Variants in ZNF821 observed in about 807,000 individuals in gnomAD.
ZNF821 encodes zinc finger protein 821.
In ZNF821, 16 loss-of-function variants were observed where a neutral mutation model predicts 44.3. That is an observed-to-expected ratio of 0.36 (90% CI 0.24 to 0.55). ZNF821 has a LOEUF of 0.55. ZNF821 is among the 20% of genes least tolerant of loss of function. The pLI is 0.86. For synonymous variants in ZNF821, 204 were observed against 197.6 expected (o/e 1.03, Z -0.27); for missense variants, 436 against 547.6 (o/e 0.80, Z 2.03).
At chr16:71,880,882 A>G (rs4788569) in intron 2 of ZNF821, among the ~76,000 whole-genome samples, 71,958 of 152,060 alleles carry the variant, frequency 0.47, 18,228 homozygotes, top group East Asian at 0.92. Flanking sequence ...CAAGACATGC[A>G]TCTGCTCCCC....
chr16:71,888,458 G>A (rs982964032), upstream of ZNF821, among the ~76,000 whole-genome samples: 5 of 152,112 alleles, frequency 3.3e-5, no homozygotes, highest in East Asian at 5.8e-4. Context: ...GTGTGAGGCC[G>A]GGGTGGGGGG....
chr16:71,871,834 T>G (rs1007440843), intron 3 of ZNF821, among the ~76,000 whole-genome samples: 1 of 149,040 alleles, frequency 6.7e-6, no homozygotes, highest in African/African-American at 2.4e-5. Flanking sequence ...TGGCTAAGGT[T>G]TTTTTTTTTT....
At chr16:71,871,988 C>T (rs1428901886) in intron 3 of ZNF821, among the ~76,000 whole-genome samples, 5 of 152,060 alleles carry the variant, frequency 3.3e-5, no homozygotes, top group Non-Finnish European at 5.9e-5. Flanking sequence ...AGCACCACCA[C>T]GCCTGGCTAA....
chr16:71,874,691 T>A (rs769634746), intron 3 of ZNF821, among the ~76,000 whole-genome samples: 24 of 152,128 alleles, frequency 1.6e-4, no homozygotes, highest in Admixed American at 7.2e-4. Context: ...TGACCTCAAG[T>A]GATCTGCCTG....
chr16:71,884,295 G>A (rs1440596669), upstream of ZNF821: 1 of 152,008 alleles, frequency 6.6e-6, no homozygotes, highest in Non-Finnish European at 1.5e-5. Flanking sequence ...GGCCTGAGGA[G>A]AGGGGCTCTG....
chr16:71,860,425 G>A lies in ZNF821; in HGVS notation c.832C>T (p.Arg278Cys), dbSNP rs1226993135. ...EVRLQRLERE[R>C]TAKKSRRDNE... ...TCCCGCCGGCTCTTCTTGGCCGTGC[G>A]CTCTCGTTCCAGCCGCTGCAGCCGT... The change falls in exon 8 of 8, where the codon CGC becomes TGC. Residue 278 changes from arginine (R) to cysteine (C), a missense_variant. By Grantham distance (180) the Arg-to-Cys change is radical. This residue lies in a region of ZNF821 where 68 missense variants were observed against 57.0 expected (regional missense o/e 1.19). Coordinates refer to ENST00000425432, the MANE Select transcript of ZNF821 (RefSeq NM_001201552.2). This position sits in a 1 kb window ranked among gnomAD's most constrained non-coding sequence, Gnocchi z 7.3. The A allele has an allele frequency of 1.2e-6, 2 of 1,613,228 alleles. No individual in the cohort carries two copies. The highest frequency in any genetic ancestry group is 1.7e-6 in the Non-Finnish European group (2 of 1,180,028).
At position 71,860,686 on chromosome 16, in the gene ZNF821, A is replaced by G. The variant is rs748834651; in HGVS notation, c.585-14T>C. ...GGAAGTTTCTCACTGGAAAGGAAAC[A>G]TTTTGGATGGTTAGTGTTTCCTTCT... On this transcript the variant is annotated splice_polypyrimidine_tract_variant and intron_variant, in intron 7 of 7. Transcript: ENST00000425432. The surrounding 1 kb of genome is among the most constrained non-coding windows in gnomAD (Gnocchi z 7.3). The G allele has an allele frequency of 2.5e-6, 4 of 1,607,568 alleles. No individual in the cohort carries two copies. Among genetic ancestry groups the G allele is most frequent in the South Asian group, 2.2e-5 (2 of 90,840 alleles).
chr16:71,875,161 A>C (rs142760407), intron 3 of ZNF821, among the ~76,000 whole-genome samples: 2 of 152,190 alleles, frequency 1.3e-5, no homozygotes, highest in South Asian at 4.1e-4. Context: ...CAGAGCCTGC[A>C]AAGTCCCACC....
chr16:71,895,162 G>A (rs558198598), exon 1 of ZNF821: 25 of 255,596 alleles, frequency 9.8e-5, no homozygotes, highest in Non-Finnish European at 1.8e-4. Context: ...CGTCAGAGAG[G>A]CGGTACTGGC....
At chr16:71,864,810 G>C in intron 5 of ZNF821, 93 bp downstream of exon 5, 1 of 1,526,892 alleles carries the variant, frequency 6.5e-7, no homozygotes, top group South Asian at 1.2e-5. Context: ...GAGACCATCA[G>C]AGGCAAGACT....
rs1182105828 is a variant in ZNF821 at position 71,860,304 on chromosome 16, C to T, written c.953G>A (p.Arg318His). Residue 318 changes from arginine (R) to histidine (H), a missense_variant, in exon 8 of 8, where the codon CGC becomes CAC. By Grantham distance (29) the Arg-to-His change is conservative. Coordinates refer to ENST00000425432, the MANE Select transcript of ZNF821 (RefSeq NM_001201552.2). This position sits in a 1 kb window ranked among gnomAD's most constrained non-coding sequence, Gnocchi z 7.3. ...RMQETDEQRA[R>H]RLQRDREAMR... is the part of the protein sequence containing the mutation. ...GGCCTCCCGATCCCGCTGCAGCCGGCGTGCCCGCTGCTCGTCTGTCTCCTG... is the reference window on the plus strand; with the variant it reads ...GGCCTCCCGATCCCGCTGCAGCCGGTGTGCCCGCTGCTCGTCTGTCTCCTG... 4.3e-6 allele frequency: 7 copies of T among 1,612,858 alleles called. No homozygotes were observed. Among genetic ancestry groups the T allele is most frequent in the South Asian group, 2.2e-5 (2 of 91,072 alleles).
intron 1 of ZNF821, among the ~76,000 whole-genome samples, chr16:71,893,035 T>TTTTTTTTTTTTC (rs2036899263): frequency 7.6e-6 from 1 of 131,358 alleles, no homozygotes; most frequent in African/African-American, 2.9e-5. Context: ...CTGGCTTTTT[T>TTTTTTTTTTTTC]TTTTTTTTTT....
chr16:71,876,049 C>T (rs763428308), intron 3 of ZNF821, among the ~76,000 whole-genome samples: 1 of 152,168 alleles, frequency 6.6e-6, no homozygotes, highest in African/African-American at 2.4e-5. Context: ...CACACCATCA[C>T]CCCACCAGCT....
intron 4 of ZNF821, among the ~76,000 whole-genome samples, chr16:71,865,302 T>G (rs1230609005): frequency 6.6e-6 from 1 of 152,160 alleles, no homozygotes; most frequent in Non-Finnish European, 1.5e-5. Flanking sequence ...TCTACATGAT[T>G]ATAAAAATAA....
At chr16:71,865,386 T>C (rs926773423) in intron 4 of ZNF821, among the ~76,000 whole-genome samples, 1 of 151,870 alleles carries the variant, frequency 6.6e-6, no homozygotes. Flanking sequence ...ACTGAGCTCA[T>C]TCCCACTGTA....
Position 71,867,913 on chromosome 16 carries a change from G to T in ZNF821, c.165C>A (p.Ser55Arg). 1 of 1,535,884 alleles carries T rather than the reference G, an allele frequency of 6.5e-7. No individual in the cohort carries two copies. Among genetic ancestry groups the T allele is most frequent in the Non-Finnish European group, 8.7e-7 (1 of 1,146,800 alleles). ...ATTACCAGAAGGTGCAGAACTCACT[G>T]CTACTGGAGTCCTGATCTCTTAGTT... ...IQQLRDQDSSSSDSEGDEEET... is the reference protein window; with the variant it reads ...IQQLRDQDSSRSDSEGDEEET... Residue 55 changes from serine (S) to arginine (R), a missense_variant and splice_region_variant, in exon 4 of 8, where the codon AGC becomes AGA. Ser to Arg is a moderately radical substitution (Grantham distance 110). Around this residue, in one of 5 missense-constraint regions of ZNF821, gnomAD observed 238 missense variants for 281.4 expected, o/e 0.85. Transcript: ENST00000425432.
chr16:71,870,043 G>A (rs1216021669), intron 3 of ZNF821, among the ~76,000 whole-genome samples: 2 of 152,086 alleles, frequency 1.3e-5, no homozygotes, highest in South Asian at 2.1e-4. Flanking sequence ...GTGTGAGAAC[G>A]GCTCTGATCC....
chr16:71,886,795 C>T (rs1397258460), upstream of ZNF821, among the ~76,000 whole-genome samples: 1 of 152,186 alleles, frequency 6.6e-6, no homozygotes, highest in Non-Finnish European at 1.5e-5. Context: ...AAAAAGAAAT[C>T]CCATACCCAG....
chr16:71,872,193 A>C (rs999347127), intron 3 of ZNF821, among the ~76,000 whole-genome samples: 1 of 152,178 alleles, frequency 6.6e-6, no homozygotes, highest in African/African-American at 2.4e-5. Flanking sequence ...AGAACAGATG[A>C]GAGGAATGAG....
Sources: gnomAD v4.1 joint callset for allele counts (sites outside exome capture counted in the v4.1 genomes callset) on GRCh38, gnomAD v4.1.1 for gene constraint, gnomAD v4.1.1 regional missense constraint, Gnocchi (gnomAD v3.1) non-coding constraint, MANE v1.5 for transcripts, NCBI Gene and HGNC (gene_info 2026-07-23, HGNC 2026-07-21) for gene names.